CTNNA3: variants seen among roughly 807,000 people sequenced by gnomAD.
CTNNA3 encodes the protein catenin alpha-3.
Under a neutral mutation model 95.7 loss-of-function variants are expected in CTNNA3, and 76 were observed. The ratio of observed to expected loss-of-function variants is 0.79; its 90% CI spans 0.66 to 0.96. CTNNA3 has a LOEUF of 0.96. CTNNA3 is among the 40% of genes least tolerant of loss of function. The probability of loss-of-function intolerance (pLI) is 0.00; values close to 1 mark genes in which losing one functional copy is unlikely to be tolerated. For missense variants in CTNNA3, 1,191 were observed against 1,089.8 expected (o/e 1.09, Z -1.31); for synonymous variants, 431 against 374.4 (o/e 1.15, Z -1.74).
chr10:66,956,306 T>A (rs969913147), intron 7 of CTNNA3, among the ~76,000 whole-genome samples: 8 of 151,602 alleles, frequency 5.3e-5, no homozygotes, highest in African/African-American at 1.9e-4. Flanking sequence ...TGAAAACCAC[T>A]GGTAAGAGTT....
chr10:66,862,092 T>C (rs1197133273), intron 7 of CTNNA3, among the ~76,000 whole-genome samples: 1 of 152,102 alleles, frequency 6.6e-6, no homozygotes, highest in Non-Finnish European at 1.5e-5. Flanking sequence ...GCACATGCTG[T>C]AGTCCCAGCT....
At chr10:66,542,288 G>A (rs1211676659) in intron 10 of CTNNA3, among the ~76,000 whole-genome samples, 2 of 152,194 alleles carry the variant, frequency 1.3e-5, no homozygotes, top group African/African-American at 4.8e-5. Context: ...TACACTGTTG[G>A]TGGGACTGTA....
intron 10 of CTNNA3, among the ~76,000 whole-genome samples, chr10:66,616,042 C>G (rs10822852): frequency 0.31 from 47,607 of 151,818 alleles, 8,192 homozygotes; most frequent in Middle Eastern, 0.49. Context: ...CCCTATAGAT[C>G]GCTTTATCCT....
At chr10:66,734,178 A>G (rs1181531416) in intron 9 of CTNNA3, among the ~76,000 whole-genome samples, 2 of 151,986 alleles carry the variant, frequency 1.3e-5, no homozygotes, top group East Asian at 3.8e-4. Context: ...TTTTTAAAGA[A>G]ACTTCTTTTA....
intron 7 of CTNNA3, among the ~76,000 whole-genome samples, chr10:67,054,464 C>T (rs1284886261): frequency 6.6e-6 from 1 of 152,164 alleles, no homozygotes; most frequent in Non-Finnish European, 1.5e-5. Flanking sequence ...CCTAATGCTT[C>T]ATTATAGCAT....
At chr10:66,547,347 C>CTTTTTTTTTT (rs1296263060) in intron 10 of CTNNA3, among the ~76,000 whole-genome samples, 5 of 109,282 alleles carry the variant, frequency 4.6e-5, no homozygotes, top group African/African-American at 3.5e-5. Flanking sequence ...TTCTTTCTTT[C>CTTTTTTTTTT]TTTTTTTTTT....
chr10:66,191,856 G>A (rs1055594137), intron 13 of CTNNA3, among the ~76,000 whole-genome samples: 1 of 152,158 alleles, frequency 6.6e-6, no homozygotes. Flanking sequence ...TGAGAGGTAG[G>A]ACCTTTAAGA....
At chr10:66,428,454 T>A (rs2093263482) in intron 11 of CTNNA3, among the ~76,000 whole-genome samples, 1 of 152,172 alleles carries the variant, frequency 6.6e-6, no homozygotes. Context: ...ATATACATTC[T>A]TTTCAGCACC....
chr10:66,910,199 C>G (rs1846162149), intron 7 of CTNNA3, among the ~76,000 whole-genome samples: 1 of 152,114 alleles, frequency 6.6e-6, no homozygotes, highest in South Asian at 2.1e-4. Context: ...TAGAAAATGG[C>G]TTGTTCGGGG....
At chr10:66,140,743 G>A (rs986032196) in intron 13 of CTNNA3, among the ~76,000 whole-genome samples, 4 of 152,196 alleles carry the variant, frequency 2.6e-5, no homozygotes, top group African/African-American at 9.6e-5. Flanking sequence ...GTGAGGAAGT[G>A]CCAGTTGTTA....
chr10:66,793,317 T>C (rs548423300), intron 7 of CTNNA3, among the ~76,000 whole-genome samples: 7 of 152,206 alleles, frequency 4.6e-5, no homozygotes, highest in Admixed American at 3.9e-4. Context: ...AATTTTTTTC[T>C]ATTTTTTATA....
chr10:66,572,884 T>G (rs1250103718), intron 10 of CTNNA3, among the ~76,000 whole-genome samples: 1 of 152,148 alleles, frequency 6.6e-6, no homozygotes, highest in Non-Finnish European at 1.5e-5. Flanking sequence ...ATATCAGTCT[T>G]GCAAACAGAC....
At chr10:67,008,052 C>G (rs991372805) in intron 7 of CTNNA3, among the ~76,000 whole-genome samples, 1 of 151,506 alleles carries the variant, frequency 6.6e-6, no homozygotes, top group Admixed American at 6.6e-5. Context: ...AATGAATTTA[C>G]TAAAAAATGA....
At chr10:66,461,522 G>A (rs533168131) in intron 11 of CTNNA3, among the ~76,000 whole-genome samples, 19 of 151,890 alleles carry the variant, frequency 1.3e-4, no homozygotes, top group African/African-American at 3.9e-4. Context: ...AAGTAGTTTC[G>A]GATCCATCCC....
At chr10:66,187,711 T>G (rs960721970) in intron 13 of CTNNA3, among the ~76,000 whole-genome samples, 1 of 152,036 alleles carries the variant, frequency 6.6e-6, no homozygotes, top group Non-Finnish European at 1.5e-5. Context: ...ATAAAAAGAA[T>G]GCTAATTTTA....
At chr10:66,941,616 T>A (rs61866209) in intron 7 of CTNNA3, among the ~76,000 whole-genome samples, 11,682 of 152,208 alleles carry the variant, frequency 0.077, 660 homozygotes, top group Non-Finnish European at 0.12. Context: ...TCAAATAAAC[T>A]GCAGAACACG....
At chr10:66,862,799 T>C (rs1393140031) in intron 7 of CTNNA3, among the ~76,000 whole-genome samples, 1 of 152,204 alleles carries the variant, frequency 6.6e-6, no homozygotes, top group African/African-American at 2.4e-5. Flanking sequence ...GAAGGTGGGT[T>C]ACTGGCCGAG....
rs530782133 is a variant in CTNNA3, at chr10:66,324,437, T to G, written c.1733-43816A>C. Among the ~76,000 whole-genome samples, 15 of 152,178 alleles carry G rather than the reference T, an allele frequency of 9.9e-5. 1 individual carries two copies. The highest frequency in any genetic ancestry group is 2.2e-4 in the Non-Finnish European group (15 of 68,012). On this transcript the variant is annotated intron_variant, in intron 12 of 17. Transcript: ENST00000433211. ...ACACAGAAAGCTGTCACTCTGGCCT[T>G]CTGCCCTTGCAAAAAGGCAGAGAGT...
chr10:66,364,362 G>T (rs1172701320), intron 12 of CTNNA3, among the ~76,000 whole-genome samples: 1 of 151,912 alleles, frequency 6.6e-6, no homozygotes, highest in Non-Finnish European at 1.5e-5. Context: ...CGGCAACACA[G>T]TGAGATCCCA....
Sources: gnomAD v4.1 joint callset for allele counts (sites outside exome capture counted in the v4.1 genomes callset) on GRCh38, gnomAD v4.1.1 for gene constraint, MANE v1.5 for transcripts, NCBI Gene and HGNC (gene_info 2026-07-23, HGNC 2026-07-21) for gene names.